The following PTPRO variants were observed in gnomAD, a reference collection of about 807,000 sequenced individuals.
The protein encoded by PTPRO is protein tyrosine phosphatase receptor type O, also known as receptor-type tyrosine-protein phosphatase O.
PTPRO carries 62 observed loss-of-function variants against 145.2 expected under a neutral mutation model. The ratio of observed to expected loss-of-function variants is 0.43; its 90% CI spans 0.35 to 0.53. The LOEUF (loss-of-function observed/expected upper bound fraction) is 0.53, where lower values mean the gene tolerates loss of function less well. Ranked by LOEUF, PTPRO falls within the 20% of genes least tolerant of loss-of-function variation. The pLI is 0.01. For synonymous variants in PTPRO, 565 were observed against 514.7 expected, an observed-to-expected ratio of 1.10 and a Z score of -1.32; for missense variants, 1,345 against 1,482.7, an observed-to-expected ratio of 0.91 and a Z score of 1.53.
At position 15,580,026 on chromosome 12, in the gene PTPRO, T is replaced by G. The variant is rs1382499238; in HGVS notation, c.2921-13T>G. On this transcript the variant is annotated splice_polypyrimidine_tract_variant and intron_variant, in intron 20 of 26. Transcript: ENST00000281171. ...CTTGAATTTTAATATTTTTTTCTCC[T>G]TATTCTCTACAGATGACTTCAGCCG... 1 of 1,609,278 alleles carries G rather than the reference T, an allele frequency of 6.2e-7. No individual in the cohort carries two copies.
At chr12:15,544,851 A>G (rs1454260033) in intron 12 of PTPRO, among the ~76,000 whole-genome samples, 2 of 152,180 alleles carry the variant, frequency 1.3e-5, no homozygotes, top group Admixed American at 6.5e-5. Context: ...GGACAATACA[A>G]TGCCTGGAGG....
At chr12:15,479,996 G>A (rs997830382) in intron 1 of PTPRO, among the ~76,000 whole-genome samples, 2 of 152,200 alleles carry the variant, frequency 1.3e-5, no homozygotes, top group African/African-American at 4.8e-5. Context: ...TTTCGGTTGT[G>A]TGGGCTGCAT....
intron 25 of PTPRO, among the ~76,000 whole-genome samples, chr12:15,592,354 A>G (rs1010810741): frequency 6.6e-5 from 10 of 152,206 alleles, no homozygotes; most frequent in African/African-American, 2.4e-4. Context: ...ATGGTTCTCC[A>G]CTTGAGCTCT....
At chr12:15,364,197 T>TTTTGAGGCTTCAG (rs1309946293) in intron 1 of PTPRO, among the ~76,000 whole-genome samples, 3 of 152,176 alleles carry the variant, frequency 2.0e-5, no homozygotes, top group Non-Finnish European at 1.5e-5. Context: ...GTACGAGACA[T>TTTTGAGGCTTCAG]TTTGAGGCTT....
intron 1 of PTPRO, among the ~76,000 whole-genome samples, chr12:15,368,237 A>G (rs1433883906): frequency 6.6e-6 from 1 of 152,096 alleles, no homozygotes; most frequent in Non-Finnish European, 1.5e-5. Context: ...TCTTCCCTCT[A>G]TCTGGCATTC....
intron 1 of PTPRO, among the ~76,000 whole-genome samples, chr12:15,458,041 C>T (rs181301430): frequency 2.1e-3 from 318 of 152,224 alleles, no homozygotes; most frequent in Non-Finnish European, 3.6e-3. Flanking sequence ...AAAGCAGTTC[C>T]GGTAGTGGTG....
intron 1 of PTPRO, among the ~76,000 whole-genome samples, chr12:15,473,900 A>G (rs1941597829): frequency 6.6e-6 from 1 of 152,152 alleles, no homozygotes; most frequent in Non-Finnish European, 1.5e-5. Context: ...TATGCTCACA[A>G]AAATTCCATG....
chr12:15,536,231 T>G (rs1943062848), intron 12 of PTPRO, among the ~76,000 whole-genome samples: 1 of 152,058 alleles, frequency 6.6e-6, no homozygotes, highest in Admixed American at 6.6e-5. Flanking sequence ...TGGTGATAAG[T>G]GTCATGGAGA....
chr12:15,520,700 A>T (rs1031248863), intron 10 of PTPRO, among the ~76,000 whole-genome samples: 13 of 152,162 alleles, frequency 8.5e-5, no homozygotes, highest in Non-Finnish European at 1.6e-4. Context: ...TAATTAAGCC[A>T]TTTTTAAAGT....
intron 1 of PTPRO, among the ~76,000 whole-genome samples, chr12:15,436,933 T>G (rs1373723552): frequency 6.6e-6 from 1 of 152,080 alleles, no homozygotes; most frequent in East Asian, 1.9e-4. Flanking sequence ...CAGGGCCAGC[T>G]TGGCAATCTG....
At chr12:15,440,645 G>C (rs1208377889) in intron 1 of PTPRO, among the ~76,000 whole-genome samples, 2 of 152,130 alleles carry the variant, frequency 1.3e-5, no homozygotes, top group African/African-American at 4.8e-5. Flanking sequence ...CAGATCACTT[G>C]AGCCCAAGAT....
At position 15,576,703 on chromosome 12, in the gene PTPRO, G is replaced by A. The variant is rs564952720; in HGVS notation, c.2830-2150G>A. Reference sequence around the variant, plus strand: ...CAATAGTGCTGTATTAGTATTTGTTGAGTTAAATTATTCCATTTGATAATC... The same window carrying A: ...CAATAGTGCTGTATTAGTATTTGTTAAGTTAAATTATTCCATTTGATAATC... On this transcript the variant is annotated intron_variant, in intron 19 of 26. Coordinates refer to ENST00000281171, the MANE Select transcript of PTPRO (RefSeq NM_030667.3). Among the ~76,000 whole-genome samples the A allele has an allele frequency of 2.6e-5, 4 of 152,292 alleles. No homozygotes were observed. The South Asian group carries it at 6.2e-4, about 24-fold the overall frequency.
chr12:15,322,912 G>A lies in PTPRO; in HGVS notation c.75+111G>A, dbSNP rs973957512. 4.7e-6 allele frequency: 5 copies of A among 1,067,480 alleles called. No individual in the cohort carries two copies. Among genetic ancestry groups the A allele is most frequent in the Admixed American group, 2.5e-5 (1 of 40,526 alleles). 66.1% of individuals were successfully genotyped at this position (1,067,480 alleles called of 1,614,324 possible). A position where few individuals can be genotyped will look rare whatever the true frequency, so the allele number is the denominator to read the frequency against. On this transcript the variant is annotated intron_variant, in intron 1 of 26. Transcript: ENST00000281171. The surrounding 1 kb of genome is among the most constrained non-coding windows in gnomAD (Gnocchi z 6.3). The stretch of plus-strand genomic sequence containing the variant: ...CGCCCCAGGGCACGATGGCCCAGCC[G>A]CGGGAAGCGCCTGCCGTGCAGCCTG...
intron 1 of PTPRO, among the ~76,000 whole-genome samples, chr12:15,456,679 A>C (rs1052564758): frequency 6.6e-6 from 1 of 152,138 alleles, no homozygotes; most frequent in Non-Finnish European, 1.5e-5. Flanking sequence ...TTGCTCAGTA[A>C]TTCAGTCTTG....
chr12:15,419,874 G>A (rs1331239699), intron 1 of PTPRO, among the ~76,000 whole-genome samples: 16 of 147,358 alleles, frequency 1.1e-4, no homozygotes, highest in Non-Finnish European at 2.4e-4. Flanking sequence ...TGGGCCGGGT[G>A]CAGTGGCTCA....
intron 10 of PTPRO, among the ~76,000 whole-genome samples, chr12:15,524,489 T>C (rs1299053584): frequency 2.0e-5 from 3 of 152,202 alleles, no homozygotes; most frequent in Admixed American, 6.5e-5. Flanking sequence ...AATTGGTTGA[T>C]GTAACAAAAA....
chr12:15,548,331 A>G (rs1169016926), intron 13 of PTPRO, among the ~76,000 whole-genome samples: 1 of 152,224 alleles, frequency 6.6e-6, no homozygotes, highest in East Asian at 1.9e-4. Context: ...ATTGATGCCA[A>G]AGGTGAGTAA....
At chr12:15,360,174 T>C (rs1938130631) in intron 1 of PTPRO, among the ~76,000 whole-genome samples, 2 of 152,176 alleles carry the variant, frequency 1.3e-5, no homozygotes, top group Admixed American at 1.3e-4. Flanking sequence ...GCTGGAATTG[T>C]TTTACTTACT....
intron 1 of PTPRO, among the ~76,000 whole-genome samples, chr12:15,383,311 A>G (rs974123638): frequency 6.6e-6 from 1 of 151,850 alleles, no homozygotes; most frequent in Non-Finnish European, 1.5e-5. Context: ...CTTCTTTTTT[A>G]AGACCAAATA....
Sources: allele counts gnomAD v4.1 joint callset (sites outside exome capture counted in the v4.1 genomes callset), GRCh38; gene constraint gnomAD v4.1.1; non-coding constraint Gnocchi (gnomAD v3.1); transcripts MANE v1.5; gene names NCBI Gene and HGNC (gene_info 2026-07-23, HGNC 2026-07-21).